ISM2: variants seen among roughly 807,000 people sequenced by gnomAD.
ISM2 encodes the protein isthmin 2, also known as isthmin-2.
ISM2 carries 50 observed loss-of-function variants against 58.0 expected under a neutral mutation model. The ratio of observed to expected loss-of-function variants is 0.86; its 90% CI spans 0.69 to 1.09. The LOEUF (loss-of-function observed/expected upper bound fraction) is 1.09. Ranked by LOEUF, ISM2 falls within the 50% of genes least tolerant of loss-of-function variation. The pLI, the probability that ISM2 is intolerant of heterozygous loss-of-function variation, is 0.00. For missense variants in ISM2, 723 were observed against 745.0 expected (o/e 0.97, Z 0.34); for synonymous variants, 303 against 312.4 (o/e 0.97, Z 0.32).
chr14:77,491,728 A>C (rs2139970639), intron 1 of ISM2, among the ~76,000 whole-genome samples: 3 of 112,190 alleles, frequency 2.7e-5, no homozygotes, highest in African/African-American at 3.6e-5. Flanking sequence ...ATGGAATCTC[A>C]CTCTGTCACC....
intron 4 of ISM2, among the ~76,000 whole-genome samples, chr14:77,481,799 G>GA (rs2079133410): frequency 1.7e-5 from 2 of 115,974 alleles, no homozygotes; most frequent in Non-Finnish European, 4.0e-5. Context: ...ATGTTGTTCA[G>GA]AAAAAAAGAA....
intron 4 of ISM2, among the ~76,000 whole-genome samples, chr14:77,479,240 CT>C (rs1375846696): frequency 1.3e-5 from 2 of 151,590 alleles, no homozygotes; most frequent in African/African-American, 4.9e-5. Flanking sequence ...CTAATTTTTT[CT>C]TTTTTTGAGA....
intron 1 of ISM2, among the ~76,000 whole-genome samples, chr14:77,491,144 A>G (rs2139969891): frequency 6.6e-6 from 1 of 152,334 alleles, no homozygotes; most frequent in African/African-American, 2.4e-5. Context: ...CTGGCTGGAC[A>G]ATGGACCGGG....
At chr14:77,488,348 C>T (rs907378357) in intron 1 of ISM2, among the ~76,000 whole-genome samples, 12 of 152,190 alleles carry the variant, frequency 7.9e-5, no homozygotes, top group Admixed American at 6.5e-5. Context: ...AATAAGAGAA[C>T]TGGGATTCAG....
At chr14:77,491,519 G>A (rs2079204106) in intron 1 of ISM2, among the ~76,000 whole-genome samples, 1 of 152,084 alleles carries the variant, frequency 6.6e-6, no homozygotes, top group African/African-American at 2.4e-5. Flanking sequence ...CTCCCAAGTA[G>A]CTGGGATTAC....
intron 1 of ISM2, among the ~76,000 whole-genome samples, chr14:77,488,407 C>T (rs1020298492): frequency 5.3e-5 from 8 of 152,172 alleles, no homozygotes; most frequent in Non-Finnish European, 1.0e-4. Context: ...ACACTATGCA[C>T]GTGTGGACAG....
At chr14:77,486,725 T>G (rs1256771979) in intron 1 of ISM2, among the ~76,000 whole-genome samples, 1 of 152,094 alleles carries the variant, frequency 6.6e-6, no homozygotes, top group African/African-American at 2.4e-5. Flanking sequence ...CCTAGCCTGG[T>G]GGTGGCTGGG....
intron 1 of ISM2, among the ~76,000 whole-genome samples, chr14:77,493,111 C>T (rs1325361036): frequency 6.6e-6 from 1 of 152,116 alleles, no homozygotes. Flanking sequence ...AATTCTCCCA[C>T]TTCAGCCCCC....
At chr14:77,497,619 G>A (rs752165116) in intron 1 of ISM2, among the ~76,000 whole-genome samples, 19 of 151,594 alleles carry the variant, frequency 1.3e-4, no homozygotes, top group Middle Eastern at 3.4e-3. Context: ...GATTGAGTCC[G>A]GGAGGTTGAG....
chr14:77,478,714 G>C lies in ISM2; in HGVS notation c.975C>G (p.Asp325Glu). ...GACTCCACTCCTTCTGAGGCTCATA[G>C]TCTGGGTTAAGACAGGGAGTTGGGG... ...DWVFKDSVSY[D>E]YEPQKEWSPW... is the part of the protein sequence containing the mutation. Residue 325 changes from aspartate (D) to glutamate (E), a missense_variant and splice_region_variant, in exon 5 of 7, where the codon GAC becomes GAG. Transcript: ENST00000342219. 1 of 1,611,834 alleles carries C rather than the reference G, an allele frequency of 6.2e-7. No homozygotes were observed. The highest frequency in any genetic ancestry group is 8.5e-7 in the Non-Finnish European group (1 of 1,178,130).
At chr14:77,491,195 C>T (rs992487920) in intron 1 of ISM2, among the ~76,000 whole-genome samples, 1 of 152,232 alleles carries the variant, frequency 6.6e-6, no homozygotes, top group Middle Eastern at 3.2e-3. Flanking sequence ...GTTCATGACA[C>T]TGCCTCAGGT....
At position 77,498,665 on chromosome 14, in the gene ISM2, C is replaced by A; in HGVS notation, c.129G>T (p.Thr43=). The A allele has an allele frequency of 2.7e-6, 4 of 1,472,420 alleles. No individual in the cohort carries two copies. The highest frequency in any genetic ancestry group is 2.4e-4 in the Middle Eastern group (1 of 4,174). The allele number at this position is 1,472,420 out of a possible 1,614,324, so 91.2% of individuals were successfully genotyped here. ...CGCCGCCACTCACCTCTGCGAGCCT[C>A]GTGAGGCTCCCAGGCCGTGGTCCGC... ...RLRGPRPGSL[T]RLAEVSASPD... The change falls in exon 1 of 7, where the codon ACG becomes ACT. Residue 43 remains threonine (T), a synonymous_variant. Transcript: ENST00000342219.
rs1566755870 is a variant in ISM2 at position 77,484,824 on chromosome 14, T to TCC, written c.235_236dup (p.Cys80AspfsTer11). ...CTGCTGGCTCAGTGACAGTCCAGCA[T>TCC]CCATGTTGGTGTGGCTCTGCCTGCA... On this transcript the variant is annotated frameshift_variant, in exon 2 of 7. Transcript: ENST00000342219. LOFTEE classifies it high-confidence loss of function. The TCC allele has an allele frequency of 6.2e-7, 1 of 1,609,928 alleles. No homozygotes were observed. Among genetic ancestry groups the TCC allele is most frequent in the Non-Finnish European group, 8.5e-7 (1 of 1,178,712 alleles).
At chr14:77,478,853 G>C in intron 4 of ISM2, 138 bp from the exon 5 acceptor site, 3 of 828,948 alleles carry the variant, frequency 3.6e-6, no homozygotes, top group South Asian at 3.4e-5. Context: ...AGCTGGGCTG[G>C]ATTTCAGCTT....
rs550422799 is a variant in ISM2, at chr14:77,495,010, A to C, written c.141+3643T>G. On this transcript the variant is annotated intron_variant, in intron 1 of 6. Coordinates refer to ENST00000342219, the MANE Select transcript of ISM2 (RefSeq NM_199296.3). ...GAGATCCTCCCACCTCAGCCTCCAG[A>C]GTAGCTGAGACTACGGGGGGCGCAC... Among the ~76,000 whole-genome samples the C allele has an allele frequency of 4.3e-4, 65 of 152,118 alleles. 1 individual carries two copies. Among genetic ancestry groups the C allele is most frequent in the African/African-American group, 1.6e-3 (65 of 41,504 alleles).
intron 1 of ISM2, among the ~76,000 whole-genome samples, chr14:77,492,793 A>G (rs2079214343): frequency 6.6e-6 from 1 of 152,078 alleles, no homozygotes; most frequent in Non-Finnish European, 1.5e-5. Context: ...AGATCTTCTG[A>G]GGTCGGGAGT....
intron 1 of ISM2, among the ~76,000 whole-genome samples, chr14:77,497,788 AAGGAAGGAAGGAAG>A (rs2079256668): frequency 7.6e-6 from 1 of 132,326 alleles, no homozygotes; most frequent in African/African-American, 3.2e-5. Flanking sequence ...GGAAGGAAGG[AAGGAAGGAAGGAAG>A]GAAGGAAGGA....
At chr14:77,496,799 G>GGAAAAA (rs2079244256) in intron 1 of ISM2, among the ~76,000 whole-genome samples, 1 of 25,788 alleles carries the variant, frequency 3.9e-5, no homozygotes, top group African/African-American at 1.8e-4. Context: ...TCCATCTCAG[G>GGAAAAA]AAAAAAAAAA....
chr14:77,497,777 A>T (rs377364550), intron 1 of ISM2, among the ~76,000 whole-genome samples: 3 of 77,386 alleles, frequency 3.9e-5, no homozygotes, highest in African/African-American at 2.5e-4. Flanking sequence ...GAGGGAAGGA[A>T]GGAAGGAAGG....
Sources: gnomAD v4.1 joint callset for allele counts (sites outside exome capture counted in the v4.1 genomes callset) on GRCh38, gnomAD v4.1.1 for gene constraint, MANE v1.5 for transcripts, NCBI Gene and HGNC (gene_info 2026-07-23, HGNC 2026-07-21) for gene names.